Variants in STARD3 observed in about 807,000 individuals in gnomAD.
The protein encoded by STARD3 is StAR related lipid transfer domain containing 3.
STARD3 carries 39 observed loss-of-function variants against 62.0 expected under a neutral mutation model. That is an observed-to-expected ratio of 0.63 (90% confidence interval 0.49 to 0.82). STARD3 has a LOEUF of 0.82. STARD3 is among the 40% of genes least tolerant of loss of function. The pLI is 0.00. For synonymous variants in STARD3, 229 were observed against 242.4 expected, an observed-to-expected ratio of 0.94 and a Z score of 0.51; for missense variants, 543 against 584.5, an observed-to-expected ratio of 0.93 and a Z score of 0.73.
Position 39,662,512 on chromosome 17 carries a change from C to T in STARD3, c.1233+168C>T, listed in dbSNP as rs923179069. On this transcript the variant is annotated intron_variant, in intron 14 of 14. Transcript: ENST00000336308. ...GTCAGGGTCCAGATGGTCTCTTAGC[C>T]CTGGGTTGCTGTAGGGCATGTGCCC... 3 of 700,940 alleles carry T rather than the reference C, an allele frequency of 4.3e-6. No individual in the cohort carries two copies. In the African/African-American group the frequency reaches 5.4e-5, roughly 13 times the overall value. 43.4% of individuals were successfully genotyped at this position (700,940 alleles called of 1,614,324 possible). A position where few individuals can be genotyped will look rare whatever the true frequency, so the allele number is the denominator to read the frequency against.
In STARD3 at chr17:39,653,727, C is replaced by T. The variant is rs376252807; in HGVS notation, c.196C>T (p.Leu66=). 1.4e-5 allele frequency: 22 copies of T among 1,614,068 alleles called. No homozygotes were observed. The highest frequency in any genetic ancestry group is 1.7e-5 in the Admixed American group (1 of 60,010). Residue 66 remains leucine (L), a synonymous_variant, in exon 2 of 15, where the codon CTG becomes TTG. Coordinates refer to ENST00000336308, the MANE Select transcript of STARD3 (RefSeq NM_006804.4). The stretch of plus-strand genomic sequence containing the variant: ...CACCTTCGACCTGCTCTTCATCTCC[C>T]TGCTCTGGATCATCGAACTGAATGT... The part of the protein sequence containing the change: ...FVTFDLLFIS[L]LWIIELNTNT...
Position 39,660,117 on chromosome 17 carries a change from G to T in STARD3, c.796-94G>T, listed in dbSNP as rs776334124. The stretch of plus-strand genomic sequence containing the variant: ...CTCCTGGAGTTTTCCACCCTGAGCT[G>T]TTAAAAACCTGCCCTGCCTGTCACC... On this transcript the variant is annotated intron_variant, in intron 9 of 14. Coordinates refer to ENST00000336308, the MANE Select transcript of STARD3 (RefSeq NM_006804.4). The surrounding 1 kb of genome is among the most constrained non-coding windows in gnomAD (Gnocchi z 4.8). 1.5e-6 allele frequency: 2 copies of T among 1,341,478 alleles called. No individual in the cohort carries two copies. The highest frequency in any genetic ancestry group is 1.2e-5 in the South Asian group (1 of 85,038). The allele number at this position is 1,341,478 out of a possible 1,614,324, so 83.1% of individuals were successfully genotyped here.
intron 1 of STARD3, among the ~76,000 whole-genome samples, chr17:39,644,083 G>T (rs529467813): frequency 2.0e-5 from 3 of 152,318 alleles, no homozygotes; most frequent in Non-Finnish European, 4.4e-5. Context: ...TGGGCAGGGG[G>T]TGCTGGTGCT....
At chr17:39,652,494 G>A (rs1199931611) in intron 1 of STARD3, 2 of 152,326 alleles carry the variant, frequency 1.3e-5, no homozygotes, top group Non-Finnish European at 2.9e-5. Flanking sequence ...TTACTATCAT[G>A]TTATGCTGTG....
chr17:39,640,767 C>A (rs2056976494), intron 1 of STARD3, among the ~76,000 whole-genome samples: 1 of 152,214 alleles, frequency 6.6e-6, no homozygotes. Context: ...GCAAGTAGAT[C>A]TCAGTGTGTT....
At chr17:39,656,922 C>T (rs1214435046) in intron 2 of STARD3, 86 bp from the exon 3 acceptor site, 6 of 1,380,304 alleles carry the variant, frequency 4.3e-6, no homozygotes, top group Non-Finnish European at 6.2e-6. Context: ...TCCTCCATCC[C>T]CTACCTCTTG....
rs746883415 is a variant in STARD3 at position 39,657,962 on chromosome 17, C to A, written c.376-11C>A. 1.3e-6 allele frequency: 2 copies of A among 1,598,102 alleles called. No individual in the cohort carries two copies. Among genetic ancestry groups the A allele is most frequent in the Admixed American group, 1.7e-5 (1 of 58,354 alleles). ...TCTGCCTTCCCCTTCCTCCCTCCCT[C>A]CCCTGGGCAGGTCACGACGCTGGTG... On this transcript the variant is annotated splice_polypyrimidine_tract_variant and intron_variant, in intron 4 of 14. Transcript: ENST00000336308.
chr17:39,646,279 G>T (rs983855470), intron 1 of STARD3, among the ~76,000 whole-genome samples: 4 of 152,056 alleles, frequency 2.6e-5, no homozygotes, highest in African/African-American at 7.2e-5. Flanking sequence ...TTGAGACAGG[G>T]TTTCTCTCTG....
At chr17:39,639,433 CA>C (rs1259243445) in intron 1 of STARD3, among the ~76,000 whole-genome samples, 2 of 152,122 alleles carry the variant, frequency 1.3e-5, no homozygotes, top group Non-Finnish European at 1.5e-5. Context: ...AGAAAAAGAC[CA>C]GGGGCGGCTT....
chr17:39,646,880 C>T (rs567537605), intron 1 of STARD3, among the ~76,000 whole-genome samples: 2 of 152,234 alleles, frequency 1.3e-5, no homozygotes, highest in African/African-American at 2.4e-5. Flanking sequence ...CCTCCCCACC[C>T]GCTTCCCCCT....
chr17:39,659,739 G>A (rs757476542), intron 9 of STARD3, 186 bp downstream of exon 9: 31 of 546,750 alleles, frequency 5.7e-5, no homozygotes, highest in Non-Finnish European at 8.7e-5. Flanking sequence ...CGTGCCCCTT[G>A]GCCCCCCTTC....
rs941657414 is a variant in STARD3 at position 39,663,366 on chromosome 17, G to T, written c.*458G>T. Reference sequence around the variant, plus strand: ...CTTGTTGGGGAGTGGGTGGCAGGTGGGGGTGGGCTGCTGGCCATGAATCTC... The same window carrying T: ...CTTGTTGGGGAGTGGGTGGCAGGTGTGGGTGGGCTGCTGGCCATGAATCTC... On this transcript the variant is annotated 3_prime_UTR_variant, in exon 15 of 15. Coordinates refer to ENST00000336308, the MANE Select transcript of STARD3 (RefSeq NM_006804.4). The T allele has an allele frequency of 6.7e-5, 20 of 298,684 alleles. No individual in the cohort carries two copies. Among genetic ancestry groups the T allele is most frequent in the Non-Finnish European group, 9.2e-5 (15 of 162,844 alleles). 18.5% of individuals were successfully genotyped at this position (298,684 alleles called of 1,614,324 possible).
intron 1 of STARD3, among the ~76,000 whole-genome samples, chr17:39,649,865 C>CA (rs10713558): frequency 0.083 from 7,013 of 84,864 alleles, 391 homozygotes; most frequent in African/African-American, 0.13. Context: ...GACTCCGTCT[C>CA]AAAAAAAAAA....
In STARD3 at chr17:39,653,712, C is replaced by CTGCT; in HGVS notation, c.182_185dup (p.Phe63AlafsTer19). On this transcript the variant is annotated frameshift_variant, in exon 2 of 15. Transcript: ENST00000336308. LOFTEE classifies it high-confidence loss of function. ...CTTCTGTCTCTTCGTCACCTTCGAC[C>CTGCT]TGCTCTTCATCTCCCTGCTCTGGAT... 6.2e-7 allele frequency: 1 copy of CTGCT among 1,614,198 alleles called. No homozygotes were observed.
At position 39,660,861 on chromosome 17, in the gene STARD3, G is replaced by A; in HGVS notation, c.1006G>A (p.Gly336Arg). 1 of 1,599,908 alleles carries A rather than the reference G, an allele frequency of 6.3e-7. No homozygotes were observed. ...NTLISYDVSA[G>R]AAGGVVSPRD... ...CCTCATCTCCTATGACGTGTCTGCA[G>A]GGGCTGCGGGCGGCGTGGTCTCCCC... The change falls in exon 12 of 15, where the codon GGG (glycine) becomes AGG (arginine). Residue 336 changes from glycine to arginine, a missense_variant. Transcript: ENST00000336308. This position sits in a 1 kb window ranked among gnomAD's most constrained non-coding sequence, Gnocchi z 4.8.
rs746883415 is a variant in STARD3 at position 39,657,962 on chromosome 17, C to T, written c.376-11C>T. 4 of 1,598,220 alleles carry T rather than the reference C, an allele frequency of 2.5e-6. No homozygotes were observed. The highest frequency in any genetic ancestry group is 2.2e-5 in the East Asian group (1 of 44,748). ...TCTGCCTTCCCCTTCCTCCCTCCCT[C>T]CCCTGGGCAGGTCACGACGCTGGTG... is the stretch of plus-strand genomic sequence containing the variant. On this transcript the variant is annotated splice_polypyrimidine_tract_variant and intron_variant, in intron 4 of 14. Coordinates refer to ENST00000336308, the MANE Select transcript of STARD3 (RefSeq NM_006804.4).
At chr17:39,647,535 G>T (rs1433263373) in intron 1 of STARD3, among the ~76,000 whole-genome samples, 4 of 152,226 alleles carry the variant, frequency 2.6e-5, no homozygotes, top group African/African-American at 9.6e-5. Context: ...CCAGGGCTAG[G>T]CAGCCTACAG....
intron 1 of STARD3, among the ~76,000 whole-genome samples, chr17:39,648,056 C>T (rs888628195): frequency 2.6e-5 from 4 of 152,076 alleles, no homozygotes; most frequent in African/African-American, 4.8e-5. Flanking sequence ...GAGGCTGAGG[C>T]GGGCGGATCA....
At chr17:39,640,801 C>G (rs183605316) in intron 1 of STARD3, among the ~76,000 whole-genome samples, 1 of 150,612 alleles carries the variant, frequency 6.6e-6, no homozygotes, top group African/African-American at 2.4e-5. Context: ...ACACTGCACC[C>G]GCAGAGCCTC....
Sources: allele counts gnomAD v4.1 joint callset (sites outside exome capture counted in the v4.1 genomes callset), GRCh38; gene constraint gnomAD v4.1.1; non-coding constraint Gnocchi (gnomAD v3.1); transcripts MANE v1.5; gene names NCBI Gene and HGNC (gene_info 2026-07-23, HGNC 2026-07-21).